EXT1: variants seen among roughly 807,000 people sequenced by gnomAD.
EXT1 encodes the protein exostosin glycosyltransferase 1.
A neutral mutation model predicts 82.5 loss-of-function variants in EXT1; 20 were observed. The ratio of observed to expected loss-of-function variants is 0.24; its 90% confidence interval spans 0.17 to 0.35. The LOEUF (loss-of-function observed/expected upper bound fraction) is 0.35, where lower values mean the gene tolerates loss of function less well. Ranked by LOEUF, EXT1 falls within the 10% of genes least tolerant of loss-of-function variation. The pLI is 1.00. For synonymous variants in EXT1, 348 were observed against 350.8 expected (o/e 0.99, Z 0.09); for missense variants, 757 against 936.5 (o/e 0.81, Z 2.50).
At chr8:117,980,675 G>GT (rs1188071324) in intron 1 of EXT1, among the ~76,000 whole-genome samples, 2 of 141,280 alleles carry the variant, frequency 1.4e-5, no homozygotes, top group African/African-American at 5.0e-5. Flanking sequence ...ATGAGGGAAG[G>GT]TTTGTTTGTT....
At chr8:117,867,524 C>T (rs1176354851) in intron 1 of EXT1, among the ~76,000 whole-genome samples, 2 of 152,150 alleles carry the variant, frequency 1.3e-5, no homozygotes, top group Non-Finnish European at 2.9e-5. Context: ...GATTAACTAG[C>T]TCATTCCAAA....
At chr8:117,936,800 G>C (rs113831641) in intron 1 of EXT1, among the ~76,000 whole-genome samples, 1 of 152,142 alleles carries the variant, frequency 6.6e-6, no homozygotes, top group South Asian at 2.1e-4. Flanking sequence ...ACTTGAAACC[G>C]GGAGGTGGAG....
intron 1 of EXT1, among the ~76,000 whole-genome samples, chr8:118,017,409 G>C (rs1352414800): frequency 6.6e-6 from 1 of 152,080 alleles, no homozygotes; most frequent in African/African-American, 2.4e-5. Context: ...GTTTTTACCT[G>C]AGTTGCTAAA....
At chr8:118,087,092 C>A (rs1416731544) in intron 1 of EXT1, among the ~76,000 whole-genome samples, 2 of 152,158 alleles carry the variant, frequency 1.3e-5, no homozygotes, top group Non-Finnish European at 2.9e-5. Flanking sequence ...CTTCAAGGCT[C>A]GTGCCCAGCG....
rs561398931 is a variant in EXT1, at chr8:117,810,629, T to C, written c.1722+2243A>G. On this transcript the variant is annotated intron_variant, in intron 8 of 10. Transcript: ENST00000378204. ...CTTGTGCCCAGGGAAAGATAGAGGA[T>C]GAATCAATACTTCAGGTCATAGGAT... Among the ~76,000 whole-genome samples, 7 of 152,294 alleles carry C rather than the reference T, an allele frequency of 4.6e-5. No homozygotes were observed. In the South Asian group the frequency reaches 1.5e-3, roughly 32 times the overall value.
In EXT1 at chr8:117,799,633, G is replaced by T; in HGVS notation, c.*79C>A. Reference sequence around the variant, plus strand: ...GTTGGCACAATCTGGCTCTGCTGATGAGTGGATCTGCACTGGGAAGAGAGA... The same window carrying T: ...GTTGGCACAATCTGGCTCTGCTGATTAGTGGATCTGCACTGGGAAGAGAGA... On this transcript the variant is annotated 3_prime_UTR_variant, in exon 11 of 11. Coordinates refer to ENST00000378204, the MANE Select transcript of EXT1 (RefSeq NM_000127.3). 6.6e-7 allele frequency: 1 copy of T among 1,507,978 alleles called. No individual in the cohort carries two copies. The highest frequency in any genetic ancestry group is 9.2e-7 in the Non-Finnish European group (1 of 1,084,462). The allele number at this position is 1,507,978 out of a possible 1,614,324, so 93.4% of individuals were successfully genotyped here.
At chr8:117,981,272 C>T (rs1418890566) in intron 1 of EXT1, among the ~76,000 whole-genome samples, 2 of 152,100 alleles carry the variant, frequency 1.3e-5, no homozygotes, top group African/African-American at 4.8e-5. Flanking sequence ...TCAGAAAGTA[C>T]AGTAATTCAG....
At chr8:118,061,644 T>C (rs974826661) in intron 1 of EXT1, among the ~76,000 whole-genome samples, 1 of 152,212 alleles carries the variant, frequency 6.6e-6, no homozygotes, top group African/African-American at 2.4e-5. Context: ...CCTGTGGTAA[T>C]TTGAAAAGTA....
chr8:118,080,150 A>G (rs530675839), intron 1 of EXT1, among the ~76,000 whole-genome samples: 5 of 152,322 alleles, frequency 3.3e-5, no homozygotes, highest in South Asian at 4.1e-4. Context: ...GACAATCATC[A>G]AAGCAATAGA....
At chr8:117,828,809 A>G (rs1483549669) in intron 4 of EXT1, among the ~76,000 whole-genome samples, 5 of 152,120 alleles carry the variant, frequency 3.3e-5, no homozygotes, top group Admixed American at 3.3e-4. Flanking sequence ...CCAGGATGAA[A>G]AAAATACACA....
At chr8:118,052,415 T>A (rs1229696241) in intron 1 of EXT1, among the ~76,000 whole-genome samples, 1 of 152,244 alleles carries the variant, frequency 6.6e-6, no homozygotes, top group African/African-American at 2.4e-5. Context: ...AGTTTTGTTT[T>A]ATGGTTACTT....
At chr8:118,052,820 G>A (rs931012142) in intron 1 of EXT1, among the ~76,000 whole-genome samples, 2 of 152,202 alleles carry the variant, frequency 1.3e-5, no homozygotes, top group African/African-American at 2.4e-5. Context: ...TCTGTCTGCA[G>A]TGAAGGCAAC....
intron 1 of EXT1, among the ~76,000 whole-genome samples, chr8:117,864,019 G>C (rs1812731251): frequency 6.6e-6 from 1 of 152,080 alleles, no homozygotes; most frequent in Admixed American, 6.5e-5. Flanking sequence ...CTCTTCCATA[G>C]GCAACAGGTT....
At chr8:117,876,366 G>T (rs1812969471) in intron 1 of EXT1, among the ~76,000 whole-genome samples, 2 of 152,154 alleles carry the variant, frequency 1.3e-5, no homozygotes, top group South Asian at 2.1e-4. Flanking sequence ...AACAGAAAAG[G>T]CAGAAACACA....
intron 1 of EXT1, among the ~76,000 whole-genome samples, chr8:118,019,906 G>C (rs1816070690): frequency 6.6e-6 from 1 of 152,224 alleles, no homozygotes; most frequent in Admixed American, 6.5e-5. Context: ...TAAACCCATT[G>C]CATGAGGAAT....
At chr8:118,040,171 A>G (rs1816503439) in intron 1 of EXT1, among the ~76,000 whole-genome samples, 1 of 152,114 alleles carries the variant, frequency 6.6e-6, no homozygotes, top group African/African-American at 2.4e-5. Context: ...ACTGCTCTGT[A>G]GTTCAAAAAA....
chr8:117,807,251 A>G lies in EXT1; in HGVS notation c.1849T>C (p.Ser617Pro). The G allele has an allele frequency of 6.2e-7, 1 of 1,614,194 alleles. No homozygotes were observed. The highest frequency in any genetic ancestry group is 8.5e-7 in the Non-Finnish European group (1 of 1,180,034). Residue 617 changes from serine (S) to proline (P), a missense_variant, in exon 9 of 11, where the codon TCC becomes CCC. Transcript: ENST00000378204. Reference protein sequence around the residue: ...GYTSKWTNDYSMVLTGAAIYH... With the variant: ...GYTSKWTNDYPMVLTGAAIYH... ...ATAGCAGCTCCTGTCAACACCATGG[A>G]GTAGTCGTTCGTCCACTTTGATGTG...
chr8:118,081,144 G>A (rs185434985), intron 1 of EXT1, among the ~76,000 whole-genome samples: 59 of 152,224 alleles, frequency 3.9e-4, no homozygotes, highest in African/African-American at 1.3e-3. Context: ...AGGAAATGGG[G>A]GCTTAGACAA....
At chr8:117,938,969 C>T (rs1814221201) in intron 1 of EXT1, among the ~76,000 whole-genome samples, 1 of 152,176 alleles carries the variant, frequency 6.6e-6, no homozygotes, top group Admixed American at 6.5e-5. Flanking sequence ...TCAGTACATC[C>T]CAGGCAGTCA....
Sources: gnomAD v4.1 joint callset for allele counts (sites outside exome capture counted in the v4.1 genomes callset) on GRCh38, gnomAD v4.1.1 for gene constraint, MANE v1.5 for transcripts, NCBI Gene and HGNC (gene_info 2026-07-23, HGNC 2026-07-21) for gene names.